Variants in SGCZ observed in about 807,000 individuals in gnomAD.
SGCZ encodes zeta-sarcoglycan.
In SGCZ, 40 loss-of-function variants were observed where a neutral mutation model predicts 41.3. The ratio of observed to expected loss-of-function variants is 0.97; its 90% confidence interval spans 0.75 to 1.26. The LOEUF is 1.26. Ranked by LOEUF, SGCZ falls within the 50% of genes most tolerant of loss-of-function variation. The pLI, the probability that SGCZ is intolerant of heterozygous loss-of-function variation, is 0.00. For missense variants in SGCZ, 552 were observed against 369.8 expected, an observed-to-expected ratio of 1.49 and a Z score of -4.04; for synonymous variants, 206 against 137.5, an observed-to-expected ratio of 1.50 and a Z score of -3.49.
intron 3 of SGCZ, among the ~76,000 whole-genome samples, chr8:14,283,443 A>T (rs1010241718): frequency 1.3e-5 from 2 of 152,188 alleles, no homozygotes; most frequent in Non-Finnish European, 2.9e-5. Flanking sequence ...TTTCCTACTT[A>T]GAAAAATGTC....
intron 2 of SGCZ, among the ~76,000 whole-genome samples, chr8:14,352,187 A>T (rs1419180487): frequency 6.6e-6 from 1 of 152,086 alleles, no homozygotes; most frequent in Non-Finnish European, 1.5e-5. Context: ...AACTTGTGTG[A>T]AGACTCAATT....
intron 1 of SGCZ, among the ~76,000 whole-genome samples, chr8:14,898,619 T>A (rs896445881): frequency 6.6e-6 from 1 of 152,204 alleles, no homozygotes; most frequent in East Asian, 1.9e-4. Context: ...GTGAAAAGAT[T>A]TGAGAATATA....
chr8:14,574,562 T>C (rs908786438), intron 1 of SGCZ, among the ~76,000 whole-genome samples: 12 of 152,174 alleles, frequency 7.9e-5, no homozygotes, highest in African/African-American at 1.2e-4. Context: ...CCCCACTCTG[T>C]TGCCATCAGC....
intron 4 of SGCZ, among the ~76,000 whole-genome samples, chr8:14,186,224 A>G (rs1804897532): frequency 6.6e-6 from 1 of 152,220 alleles, no homozygotes; most frequent in Non-Finnish European, 1.5e-5. Flanking sequence ...ACAACAATTT[A>G]ATGTTTCAGG....
chr8:14,243,136 C>A (rs1798950989), intron 3 of SGCZ, among the ~76,000 whole-genome samples: 1 of 152,162 alleles, frequency 6.6e-6, no homozygotes, highest in Admixed American at 6.5e-5. Context: ...ATTGCCTATG[C>A]AAATCTCCCT....
chr8:14,639,550 AGTATTCAT>A (rs1177359967), intron 1 of SGCZ, among the ~76,000 whole-genome samples: 1 of 151,778 alleles, frequency 6.6e-6, no homozygotes, highest in Admixed American at 6.6e-5. Flanking sequence ...ATGACTCAAT[AGTATTCAT>A]AGTTAATATA....
intron 1 of SGCZ, among the ~76,000 whole-genome samples, chr8:14,876,873 C>T (rs957066258): frequency 3.3e-5 from 5 of 152,132 alleles, no homozygotes; most frequent in African/African-American, 1.2e-4. Context: ...TTAGAGGTCC[C>T]CCCGCCCTGC....
At chr8:14,196,400 G>A (rs1484051633) in intron 4 of SGCZ, among the ~76,000 whole-genome samples, 2 of 151,884 alleles carry the variant, frequency 1.3e-5, no homozygotes, top group Admixed American at 1.3e-4. Context: ...AAGACAGAAA[G>A]AGAGACAATA....
rs375868493 is a variant in SGCZ at position 14,542,227 on chromosome 8, A to G, written c.234+12505T>C. Among the ~76,000 whole-genome samples, 424 of 152,106 alleles carry G rather than the reference A, an allele frequency of 2.8e-3. 3 individuals are homozygous for G. Among genetic ancestry groups the G allele is most frequent in the African/African-American group, 9.8e-3 (406 of 41,496 alleles). ...TGTCCATGCCTGTTTCCTGAATGGT[A>G]TTGCCTAGGTTGTCTTCTAGGGTTT... On this transcript the variant is annotated intron_variant, in intron 2 of 7. Transcript: ENST00000382080.
intron 2 of SGCZ, among the ~76,000 whole-genome samples, chr8:14,468,635 A>T (rs1212417141): frequency 6.6e-6 from 1 of 152,068 alleles, no homozygotes; most frequent in Non-Finnish European, 1.5e-5. Context: ...ATAATTATCC[A>T]TTTTATCTTT....
At chr8:14,150,869 G>T (rs139633165) in intron 5 of SGCZ, among the ~76,000 whole-genome samples, 16 of 152,276 alleles carry the variant, frequency 1.1e-4, no homozygotes, top group Non-Finnish European at 2.1e-4. Flanking sequence ...CCAGTCACTT[G>T]CATCAACGTG....
chr8:14,318,673 C>T (rs899132867), intron 3 of SGCZ, among the ~76,000 whole-genome samples: 9 of 151,856 alleles, frequency 5.9e-5, no homozygotes, highest in Admixed American at 2.0e-4. Context: ...CTGGTTGGCA[C>T]AAATCATTTA....
At chr8:14,684,926 A>C (rs1380065354) in intron 1 of SGCZ, among the ~76,000 whole-genome samples, 5 of 152,144 alleles carry the variant, frequency 3.3e-5, no homozygotes, top group Non-Finnish European at 7.3e-5. Flanking sequence ...CTGTTTAAAC[A>C]TGCAGTGGCA....
chr8:14,504,327 G>A (rs1802241811), intron 2 of SGCZ, among the ~76,000 whole-genome samples: 1 of 152,068 alleles, frequency 6.6e-6, no homozygotes, highest in South Asian at 2.1e-4. Context: ...TAATTAATCA[G>A]GGCCCATGGG....
chr8:14,813,459 C>T (rs141103101), intron 1 of SGCZ, among the ~76,000 whole-genome samples: 1 of 152,142 alleles, frequency 6.6e-6, no homozygotes, highest in African/African-American at 2.4e-5. Context: ...ATAAATTGTT[C>T]GTTACACAAC....
chr8:14,238,555 G>A (rs964059494), intron 3 of SGCZ, among the ~76,000 whole-genome samples: 3 of 152,114 alleles, frequency 2.0e-5, no homozygotes, highest in African/African-American at 7.2e-5. Context: ...ACAGTTGATT[G>A]AAGGACAATA....
chr8:14,239,424 A>G (rs1427858150), intron 3 of SGCZ, among the ~76,000 whole-genome samples: 1 of 152,162 alleles, frequency 6.6e-6, no homozygotes, highest in Admixed American at 6.5e-5. Context: ...TGAAAAAACT[A>G]TAGGTCAAAA....
intron 1 of SGCZ, among the ~76,000 whole-genome samples, chr8:15,106,858 G>C (rs1457203775): frequency 1.3e-5 from 2 of 152,030 alleles, no homozygotes; most frequent in Non-Finnish European, 2.9e-5. Flanking sequence ...TTGTTTTGGA[G>C]TCTGTATCAC....
At chr8:14,094,027 G>A (rs1801768479) in intron 7 of SGCZ, among the ~76,000 whole-genome samples, 1 of 151,894 alleles carries the variant, frequency 6.6e-6, no homozygotes. Context: ...TCTTCACCTT[G>A]AACACATCTC....
Sources: allele counts gnomAD v4.1 joint callset (sites outside exome capture counted in the v4.1 genomes callset), GRCh38; gene constraint gnomAD v4.1.1; transcripts MANE v1.5; gene names NCBI Gene and HGNC (gene_info 2026-07-23, HGNC 2026-07-21).